Variants in UPK1B observed in about 807,000 individuals in gnomAD.
The protein encoded by UPK1B is uroplakin 1B, also known as uroplakin-1b.
A neutral mutation model predicts 34.2 loss-of-function variants in UPK1B; 28 were observed. The ratio of observed to expected loss-of-function variants is 0.82; its 90% CI spans 0.61 to 1.12. UPK1B has a LOEUF of 1.12. Ranked by LOEUF, UPK1B falls within the 50% of genes most tolerant of loss-of-function variation. The probability of loss-of-function intolerance (pLI) is 0.00; values close to 1 mark genes in which losing one functional copy is unlikely to be tolerated. For synonymous variants in UPK1B, 81 were observed against 110.4 expected (o/e 0.73, Z 1.67); for missense variants, 325 against 320.9 (o/e 1.01, Z -0.10).
Position 119,194,375 on chromosome 3 carries a change from G to T in UPK1B, c.625G>T (p.Val209Leu). ...PLNLEACKLG[V>L]PGFYHNQGCY... ...CAACCTGGAGGCTTGTAAACTAGGC[G>T]TGCCTGGTTTTTATCACAATCAGGT... Residue 209 changes from valine to leucine, a missense_variant, in exon 6 of 8, where the codon GTG becomes TTG. Val to Leu is a conservative substitution (Grantham distance 32). Transcript: ENST00000264234. 1 of 1,612,614 alleles carries T rather than the reference G, an allele frequency of 6.2e-7. No homozygotes were observed. The highest frequency in any genetic ancestry group is 8.5e-7 in the Non-Finnish European group (1 of 1,179,674).
At chr3:119,194,164 G>C in intron 5 of UPK1B, 55 bp from the exon 6 acceptor site, 1 of 1,491,892 alleles carries the variant, frequency 6.7e-7, no homozygotes, top group Non-Finnish European at 9.0e-7. Flanking sequence ...TTGCTACATT[G>C]ATGGCTCTAG....
chr3:119,179,654 C>T (rs1377743024), intron 1 of UPK1B, among the ~76,000 whole-genome samples: 9 of 144,492 alleles, frequency 6.2e-5, no homozygotes, highest in African/African-American at 1.5e-4. Context: ...GGACTACAGG[C>T]GCCTGCCACC....
In UPK1B at chr3:119,180,685, T is replaced by TAA. The variant is rs1249117416; in HGVS notation, c.-28-6027_-28-6026dup. Among the ~76,000 whole-genome samples, 524 of 146,022 alleles carry TAA rather than the reference T, an allele frequency of 3.6e-3. 4 individuals carry two copies. Among genetic ancestry groups the TAA allele is most frequent in the African/African-American group, 0.011 (463 of 40,500 alleles). On this transcript the variant is annotated intron_variant, in intron 1 of 7. Coordinates refer to ENST00000264234, the MANE Select transcript of UPK1B (RefSeq NM_006952.4). The stretch of plus-strand genomic sequence containing the variant: ...AATTCATAATGTCTTTTTTTTTTTT[T>TAA]AAATATCCATTAGTGTGGAACTGTG...
chr3:119,195,977 T>C (rs2078065627), intron 6 of UPK1B, among the ~76,000 whole-genome samples: 1 of 123,062 alleles, frequency 8.1e-6, no homozygotes, highest in Non-Finnish European at 2.0e-5. Context: ...CCTCATCTGT[T>C]CTAACAATTC....
intron 1 of UPK1B, among the ~76,000 whole-genome samples, chr3:119,174,250 C>T (rs1267570767): frequency 3.9e-5 from 6 of 152,188 alleles, no homozygotes; most frequent in Non-Finnish European, 5.9e-5. Context: ...GCTTTATCTA[C>T]GCAATGTTAT....
chr3:119,183,708 A>G (rs1260702428), intron 1 of UPK1B, among the ~76,000 whole-genome samples: 1 of 152,152 alleles, frequency 6.6e-6, no homozygotes, highest in Non-Finnish European at 1.5e-5. Context: ...ATTTTAAGCC[A>G]CGAAGTTCGT....
intron 5 of UPK1B, among the ~76,000 whole-genome samples, chr3:119,192,387 C>T (rs765200600): frequency 6.6e-6 from 1 of 152,144 alleles, no homozygotes; most frequent in Admixed American, 6.5e-5. Context: ...GCTCACTCTT[C>T]GTTTATACTC....
At chr3:119,199,658 T>C (rs2107438275) in intron 7 of UPK1B, among the ~76,000 whole-genome samples, 1 of 152,300 alleles carries the variant, frequency 6.6e-6, no homozygotes, top group South Asian at 2.1e-4. Context: ...TAAAACGCCA[T>C]GGGGAAACTT....
At position 119,179,395 on chromosome 3, in the gene UPK1B, ATAT is replaced by A. The variant is rs1354832032; in HGVS notation, c.-29+5760_-29+5762del. Among the ~76,000 whole-genome samples the A allele has an allele frequency of 5.1e-4, 49 of 96,286 alleles. 2 individuals are homozygous for A. The highest frequency in any genetic ancestry group is 9.1e-4 in the South Asian group (3 of 3,302). 63.2% of individuals were successfully genotyped at this position (96,286 alleles called of 152,430 possible). ...TATATATATATATATATATATATAT[ATAT>A]TAATTCTAAGGAATTAACCTATGTG... On this transcript the variant is annotated intron_variant, in intron 1 of 7. Coordinates refer to ENST00000264234, the MANE Select transcript of UPK1B (RefSeq NM_006952.4).
chr3:119,182,975 G>A (rs951397557), intron 1 of UPK1B, among the ~76,000 whole-genome samples: 2 of 152,176 alleles, frequency 1.3e-5, no homozygotes, highest in African/African-American at 2.4e-5. Flanking sequence ...GCAAATATGA[G>A]CATCGTGTCC....
chr3:119,196,809 A>T (rs1182914626), intron 6 of UPK1B, among the ~76,000 whole-genome samples: 2 of 151,816 alleles, frequency 1.3e-5, no homozygotes, highest in Non-Finnish European at 2.9e-5. Flanking sequence ...AAGTGCTGGG[A>T]TTAAAGGAGT....
At chr3:119,175,017 T>A (rs557683365) in intron 1 of UPK1B, among the ~76,000 whole-genome samples, 33 of 15,524 alleles carry the variant, frequency 2.1e-3, no homozygotes, top group African/African-American at 6.8e-3. Context: ...ATTTTCTTTT[T>A]TTTTTTTTTT....
rs371807609 is a variant in UPK1B at position 119,199,145 on chromosome 3, G to A, written c.732+5G>A. On this transcript the variant is annotated splice_donor_5th_base_variant and intron_variant, in intron 7 of 7. Coordinates refer to ENST00000264234, the MANE Select transcript of UPK1B (RefSeq NM_006952.4). ...TTTGCCATTCTCTGCTGGACTGTGA[G>A]TATTTCCCAGCACATATTTTATCTG... The A allele has an allele frequency of 5.3e-5, 86 of 1,613,898 alleles. No individual in the cohort carries two copies. Among genetic ancestry groups the A allele is most frequent in the Non-Finnish European group, 7.1e-5 (84 of 1,179,922 alleles).
At chr3:119,181,048 T>C (rs1302637022) in intron 1 of UPK1B, among the ~76,000 whole-genome samples, 1 of 152,238 alleles carries the variant, frequency 6.6e-6, no homozygotes, top group Non-Finnish European at 1.5e-5. Context: ...TTGAGTGTCC[T>C]CTTACTTCTT....
intron 1 of UPK1B, among the ~76,000 whole-genome samples, chr3:119,179,399 T>A (rs9818756): frequency 0.22 from 11,812 of 52,814 alleles, 1,638 homozygotes; most frequent in East Asian, 0.35. Flanking sequence ...ATATATATAT[T>A]AATTCTAAGG....
intron 1 of UPK1B, among the ~76,000 whole-genome samples, chr3:119,182,682 G>A (rs2077994514): frequency 6.6e-6 from 1 of 152,174 alleles, no homozygotes; most frequent in African/African-American, 2.4e-5. Flanking sequence ...ATTAGACTAT[G>A]CTGTGAGCCA....
chr3:119,196,483 C>T (rs986477740), intron 6 of UPK1B, among the ~76,000 whole-genome samples: 3 of 151,060 alleles, frequency 2.0e-5, no homozygotes, highest in African/African-American at 4.9e-5. Context: ...CAAGCACCGA[C>T]GTTTGATAGA....
chr3:119,199,013 T>C (rs764396249), intron 6 of UPK1B, 44 bp from the exon 7 acceptor site: 1 of 1,607,404 alleles, frequency 6.2e-7, no homozygotes. Flanking sequence ...CTTCTCTGCT[T>C]TCTGGTTCTT....
chr3:119,202,287 TTC>T (rs1189766580), intron 7 of UPK1B, among the ~76,000 whole-genome samples: 2 of 152,222 alleles, frequency 1.3e-5, no homozygotes. Context: ...AAGGGGCTTT[TTC>T]TTAGTGATTA....
Sources: allele counts gnomAD v4.1 joint callset (sites outside exome capture counted in the v4.1 genomes callset), GRCh38; gene constraint gnomAD v4.1.1; transcripts MANE v1.5; gene names NCBI Gene and HGNC (gene_info 2026-07-23, HGNC 2026-07-21).